The following RIPOR1 variants were observed in gnomAD, a reference collection of about 807,000 sequenced individuals.
RIPOR1 encodes rho family-interacting cell polarization regulator 1.
In RIPOR1, 58 loss-of-function variants were observed where a neutral mutation model predicts 116.5. That is an observed-to-expected ratio of 0.50 (90% confidence interval 0.40 to 0.62). RIPOR1 has a LOEUF of 0.62. Ranked by LOEUF, RIPOR1 falls within the 20% of genes least tolerant of loss-of-function variation. The probability of loss-of-function intolerance (pLI) is 0.00; values close to 1 mark genes in which losing one functional copy is unlikely to be tolerated. For synonymous variants in RIPOR1, 605 were observed against 650.0 expected (o/e 0.93, Z 1.05); for missense variants, 1,372 against 1,586.2 (o/e 0.86, Z 2.29).
chr16:67,544,935 G>A lies in RIPOR1; in HGVS notation c.2870-21G>A. ...CTCACCTGCCTGCCTGTTGCTGACG[G>A]TTTCCCTCACCCCCTCACAGTGGTG... is the stretch of plus-strand genomic sequence containing the variant. On this transcript the variant is annotated intron_variant, in intron 16 of 21. Transcript: ENST00000042381. This position sits in a 1 kb window ranked among gnomAD's most constrained non-coding sequence, Gnocchi z 5.1. 5.0e-6 allele frequency: 8 copies of A among 1,609,274 alleles called. No individual in the cohort carries two copies. Among genetic ancestry groups the A allele is most frequent in the Non-Finnish European group, 6.8e-6 (8 of 1,178,510 alleles).
chr16:67,545,564 C>A lies in RIPOR1; in HGVS notation c.3190+30C>A. 6.2e-7 allele frequency: 1 copy of A among 1,611,798 alleles called. No homozygotes were observed. Reference sequence around the variant, plus strand: ...GGCGGTGGCCCTGATCACATAGTGGCCTCTTGGGGTCTGAGGACATGAGGA... The same window carrying A: ...GGCGGTGGCCCTGATCACATAGTGGACTCTTGGGGTCTGAGGACATGAGGA... On this transcript the variant is annotated intron_variant, in intron 18 of 21. Coordinates refer to ENST00000042381, the MANE Select transcript of RIPOR1 (RefSeq NM_024519.4). This position sits in a 1 kb window ranked among gnomAD's most constrained non-coding sequence, Gnocchi z 4.8.
intron 1 of RIPOR1, among the ~76,000 whole-genome samples, chr16:67,521,924 T>C (rs1473904942): frequency 6.6e-6 from 1 of 152,218 alleles, no homozygotes; most frequent in Admixed American, 6.5e-5. Flanking sequence ...CGCCCAGAGA[T>C]GACGGGCATT....
In RIPOR1 at chr16:67,529,954, G is replaced by T; in HGVS notation, c.-24+1040G>T. The T allele has an allele frequency of 1.2e-6, 1 of 802,482 alleles. No individual in the cohort carries two copies. The highest frequency in any genetic ancestry group is 1.4e-5 in the South Asian group (1 of 69,300). The allele number at this position is 802,482 out of a possible 1,614,324, so 49.7% of individuals were successfully genotyped here. ...TGCGACACCCACCTCCGTGGTATTG[G>T]AGGGAGGAGAGGAATGATAATTGGG... is the stretch of plus-strand genomic sequence containing the variant. On this transcript the variant is annotated intron_variant, in intron 1 of 21. Coordinates refer to ENST00000042381, the MANE Select transcript of RIPOR1 (RefSeq NM_024519.4). The surrounding 1 kb of genome is among the most constrained non-coding windows in gnomAD (Gnocchi z 4.1).
At position 67,542,310 on chromosome 16, in the gene RIPOR1, C is replaced by G. The variant is rs758794977; in HGVS notation, c.1524C>G (p.Thr508=). 5 of 1,613,824 alleles carry G rather than the reference C, an allele frequency of 3.1e-6. No homozygotes were observed. Among genetic ancestry groups the G allele is most frequent in the Non-Finnish European group, 3.4e-6 (4 of 1,179,968 alleles). ...CTGGCCACTCTGCCACAAGCTCTAC[C>G]CTCGGTACAACAGGCTCTGTCCCCA... The part of the protein sequence containing the change: ...LDPGHSATSS[T]LGTTGSVPTS... The change falls in exon 13 of 22, where the codon ACC becomes ACG. Residue 508 remains threonine (T), a synonymous_variant. Coordinates refer to ENST00000042381, the MANE Select transcript of RIPOR1 (RefSeq NM_024519.4). This position sits in a 1 kb window ranked among gnomAD's most constrained non-coding sequence, Gnocchi z 4.6.
Position 67,542,654 on chromosome 16 carries a change from C to T in RIPOR1, c.1868C>T (p.Thr623Ile). The stretch of plus-strand genomic sequence containing the variant: ...CCCACTCATACTTCCACAAGCCCCA[C>T]CCATACCCCCACAAGTCCCACCCAC... Reference protein sequence around the residue: ...ASPTHTSTSPTHTPTSPTHKT... With the variant: ...ASPTHTSTSPIHTPTSPTHKT... Residue 623 changes from threonine to isoleucine, a missense_variant, in exon 13 of 22, where the codon ACC becomes ATC. Physicochemically the swap from Thr to Ile is moderately conservative, Grantham distance 89. This residue lies in a region of RIPOR1 where 1,005 missense variants were observed against 1,144.7 expected (regional missense o/e 0.88). Transcript: ENST00000042381. The surrounding 1 kb of genome is among the most constrained non-coding windows in gnomAD (Gnocchi z 4.6). 1 of 1,613,484 alleles carries T rather than the reference C, an allele frequency of 6.2e-7. No homozygotes were observed. Among genetic ancestry groups the T allele is most frequent in the Non-Finnish European group, 8.5e-7 (1 of 1,179,824 alleles).
At chr16:67,536,908 C>A (rs2050808248) in intron 1 of RIPOR1, among the ~76,000 whole-genome samples, 1 of 152,168 alleles carries the variant, frequency 6.6e-6, no homozygotes, top group Non-Finnish European at 1.5e-5. Context: ...TCTCAGCCCT[C>A]TGTGTGTTCA....
chr16:67,545,634 C>A lies in RIPOR1; in HGVS notation c.3191-30C>A. 6.4e-7 allele frequency: 1 copy of A among 1,569,560 alleles called. No homozygotes were observed. The highest frequency in any genetic ancestry group is 1.2e-5 in the South Asian group (1 of 84,316). On this transcript the variant is annotated intron_variant, in intron 18 of 21. Transcript: ENST00000042381. This position sits in a 1 kb window ranked among gnomAD's most constrained non-coding sequence, Gnocchi z 4.8. Reference sequence around the variant, plus strand: ...GGGGCTCCTCACCCTGCCACCTTGCCCACCCACCCACCATATCCCCTTTTT... The same window carrying A: ...GGGGCTCCTCACCCTGCCACCTTGCACACCCACCCACCATATCCCCTTTTT...
chr16:67,524,604 C>T (rs1431054188), upstream of RIPOR1, among the ~76,000 whole-genome samples: 1 of 152,182 alleles, frequency 6.6e-6, no homozygotes, highest in Non-Finnish European at 1.5e-5. Context: ...TATTACCTTT[C>T]CCTTAACCAG....
intron 1 of RIPOR1, among the ~76,000 whole-genome samples, chr16:67,533,804 CTTT>C (rs11410499): frequency 5.8e-5 from 7 of 121,278 alleles, no homozygotes; most frequent in African/African-American, 9.3e-5. Context: ...CACAAGCAGT[CTTT>C]TTTTTTTTTT....
In RIPOR1 at chr16:67,538,442, ACTC is replaced by A. The variant is rs1161539768; in HGVS notation, c.-4_-2del. The A allele has an allele frequency of 1.9e-6, 3 of 1,600,120 alleles. No individual in the cohort carries two copies. The Admixed American group carries it at 5.2e-5, about 28-fold the overall frequency. On this transcript the variant is annotated 5_prime_UTR_variant, in exon 2 of 22. Coordinates refer to ENST00000042381, the MANE Select transcript of RIPOR1 (RefSeq NM_024519.4). ...CCCGCAGGGAGCCCCGCGCGGACTC[ACTC>A]TATGATGTCCCTGTCGGTGCGGCCG...
Position 67,543,511 on chromosome 16 carries a change from G to C in RIPOR1, c.2600+42G>C. 6.5e-7 allele frequency: 1 copy of C among 1,543,130 alleles called. No individual in the cohort carries two copies. Among genetic ancestry groups the C allele is most frequent in the Non-Finnish European group, 8.7e-7 (1 of 1,146,622 alleles). ...AGATGGGTGTGAGGCTAGGTGAGAG[G>C]GAAAAGGTGAGGCAGGACCAGGGGA... On this transcript the variant is annotated intron_variant, in intron 14 of 21. Transcript: ENST00000042381. This position sits in a 1 kb window ranked among gnomAD's most constrained non-coding sequence, Gnocchi z 4.7.
At chr16:67,527,630 A>T (rs1458086572), upstream of RIPOR1, among the ~76,000 whole-genome samples, 1 of 152,114 alleles carries the variant, frequency 6.6e-6, no homozygotes, top group East Asian at 1.9e-4. Context: ...TAATCCCAGC[A>T]CTTTGGGAGG....
At chr16:67,538,587 G>C (rs758397600) in intron 2 of RIPOR1, 37 bp downstream of exon 2, 101 of 1,609,104 alleles carry the variant, frequency 6.3e-5, no homozygotes, top group East Asian at 5.1e-4. Context: ...GTCAAAGGGC[G>C]TCAGATGGGG....
chr16:67,527,056 T>C (rs985165068), upstream of RIPOR1, among the ~76,000 whole-genome samples: 2 of 152,066 alleles, frequency 1.3e-5, no homozygotes, highest in African/African-American at 2.4e-5. Flanking sequence ...TGAGACTGGA[T>C]GATATTTTAG....
chr16:67,523,362 C>T (rs1370570795), intron 1 of RIPOR1, among the ~76,000 whole-genome samples: 1 of 151,736 alleles, frequency 6.6e-6, no homozygotes, highest in Non-Finnish European at 1.5e-5. Context: ...CCTGTCTCTA[C>T]TAAAAATACA....
chr16:67,523,784 G>A (rs2050517723), intron 1 of RIPOR1, among the ~76,000 whole-genome samples: 1 of 151,560 alleles, frequency 6.6e-6, no homozygotes, highest in East Asian at 2.0e-4. Flanking sequence ...GGGCTCAAGC[G>A]ATTCTCCCAC....
At chr16:67,539,151 A>G in intron 4 of RIPOR1, 83 bp downstream of exon 4, 1 of 1,180,816 alleles carries the variant, frequency 8.5e-7, no homozygotes, top group Non-Finnish European at 1.2e-6. Flanking sequence ...TATCTGGGCT[A>G]TTTTCTGAAG....
In RIPOR1 at chr16:67,539,843, C is replaced by T; in HGVS notation, c.361-3C>T. ...GGCCCCTCCTGACCCACCTCTCCCC[C>T]AGCAAGTCAAGTCCATTGAACGCTT... is the stretch of plus-strand genomic sequence containing the variant. On this transcript the variant is annotated splice_region_variant and splice_polypyrimidine_tract_variant and intron_variant, in intron 5 of 21. Coordinates refer to ENST00000042381, the MANE Select transcript of RIPOR1 (RefSeq NM_024519.4). 1 of 1,614,228 alleles carries T rather than the reference C, an allele frequency of 6.2e-7. No homozygotes were observed. Among genetic ancestry groups the T allele is most frequent in the South Asian group, 1.1e-5 (1 of 91,092 alleles).
chr16:67,546,210 C>T lies in RIPOR1; in HGVS notation c.3541C>T (p.Arg1181Trp), dbSNP rs140898958. Residue 1181 changes from arginine (R) to tryptophan (W), a missense_variant, in exon 21 of 22, where the codon CGG (arginine) becomes TGG (tryptophan). Transcript: ENST00000042381. ...TDTEAVREAA[R>W]QSLQQCGEEG... ...CACAGAAGCTGTGAGGGAAGCTGCC[C>T]GGCAAAGCCTACAGCAGTGTGGTGA... The T allele has an allele frequency of 1.0e-3, 1,663 of 1,614,078 alleles. 2 individuals are homozygous for T. The highest frequency in any genetic ancestry group is 1.3e-3 in the Non-Finnish European group (1,557 of 1,180,038).
Sources: allele counts gnomAD v4.1 joint callset (sites outside exome capture counted in the v4.1 genomes callset), GRCh38; gene constraint gnomAD v4.1.1; regional missense constraint gnomAD v4.1.1; non-coding constraint Gnocchi (gnomAD v3.1); transcripts MANE v1.5; gene names NCBI Gene and HGNC (gene_info 2026-07-23, HGNC 2026-07-21).